The following SYCP2L variants were observed in gnomAD, a reference collection of about 807,000 sequenced individuals.
The protein encoded by SYCP2L is synaptonemal complex protein 2 like.
A neutral mutation model predicts 125.8 loss-of-function variants in SYCP2L; 98 were observed. That is an observed-to-expected ratio of 0.78 (90% CI 0.66 to 0.92). SYCP2L has a LOEUF of 0.92. Ranked by LOEUF, SYCP2L falls within the 40% of genes least tolerant of loss-of-function variation. The probability of loss-of-function intolerance (pLI) is 0.00; values close to 1 mark genes in which losing one functional copy is unlikely to be tolerated. For missense variants in SYCP2L, 842 were observed against 936.4 expected, an observed-to-expected ratio of 0.90 and a Z score of 1.32; for synonymous variants, 317 against 325.4, an observed-to-expected ratio of 0.97 and a Z score of 0.28.
intron 18 of SYCP2L, among the ~76,000 whole-genome samples, chr6:10,928,943 C>T (rs1310851843): frequency 6.8e-6 from 1 of 147,660 alleles, no homozygotes; most frequent in African/African-American, 2.5e-5. Flanking sequence ...GACTGAGTTT[C>T]GCTAATGGCA....
chr6:10,971,457 CAAAAAA>C (rs564161444), intron 29 of SYCP2L, among the ~76,000 whole-genome samples: 1 of 99,376 alleles, frequency 1.0e-5, no homozygotes. Context: ...GACTCTGTCT[CAAAAAA>C]AAAAAAAAAA....
chr6:10,898,805 TTTTC>T lies in SYCP2L; in HGVS notation c.442-11_442-8del, dbSNP rs1367538337. ...GTTTTAAAATAATATGAGCTTTACT[TTTTC>T]TTTCTTTTTGTTAGATTATTTCCAG... On this transcript the variant is annotated splice_polypyrimidine_tract_variant and intron_variant, in intron 5 of 29. Transcript: ENST00000283141. The T allele has an allele frequency of 1.5e-6, 2 of 1,358,966 alleles. No individual in the cohort carries two copies. The highest frequency in any genetic ancestry group is 2.1e-6 in the Non-Finnish European group (2 of 954,060). 84.2% of individuals were successfully genotyped at this position (1,358,966 alleles called of 1,614,324 possible).
intron 24 of SYCP2L, among the ~76,000 whole-genome samples, chr6:10,955,704 T>G (rs1781493483): frequency 6.6e-6 from 1 of 152,220 alleles, no homozygotes; most frequent in Admixed American, 6.5e-5. Flanking sequence ...GGTATGAGCA[T>G]GCAAGACTTA....
chr6:10,965,761 T>A (rs972259252), intron 29 of SYCP2L, among the ~76,000 whole-genome samples: 1 of 152,202 alleles, frequency 6.6e-6, no homozygotes, highest in African/African-American at 2.4e-5. Flanking sequence ...AATCTTGCAT[T>A]ACCATGTCAA....
rs1780520116 is a variant in SYCP2L at position 10,907,597 on chromosome 6, A to C, written c.732A>C (p.Lys244Asn). The C allele has an allele frequency of 3.1e-6, 5 of 1,614,022 alleles. No homozygotes were observed. The highest frequency in any genetic ancestry group is 1.3e-5 in the African/African-American group (1 of 75,040). ...CGCTGTGTAGACTGACGATTAAAAA[A>C]TCAAGGGATGAACTTGTCCATAAAT... ...SEALCRLTIK[K>N]SRDELVHKWF... The change falls in exon 10 of 30, where the codon AAA becomes AAC. Residue 244 changes from lysine to asparagine, a missense_variant. Physicochemically the swap from Lys to Asn is moderately conservative, Grantham distance 94. Coordinates refer to ENST00000283141, the MANE Select transcript of SYCP2L (RefSeq NM_001040274.3).
chr6:10,905,686 G>A (rs1358386361), intron 8 of SYCP2L, among the ~76,000 whole-genome samples: 2 of 152,152 alleles, frequency 1.3e-5, no homozygotes, highest in Non-Finnish European at 2.9e-5. Context: ...AAGGACATAC[G>A]CCCTCACAGG....
At chr6:10,908,121 C>T (rs1780535345) in intron 10 of SYCP2L, among the ~76,000 whole-genome samples, 1 of 151,946 alleles carries the variant, frequency 6.6e-6, no homozygotes, top group Admixed American at 6.6e-5. Context: ...CTCCTGACCT[C>T]AGGTGATCCG....
At chr6:10,946,880 G>A (rs566867047) in intron 23 of SYCP2L, among the ~76,000 whole-genome samples, 2 of 151,940 alleles carry the variant, frequency 1.3e-5, no homozygotes, top group Admixed American at 6.5e-5. Context: ...TGGAATATGT[G>A]ACATGTCTTT....
At chr6:10,917,572 T>A (rs1225754) in intron 14 of SYCP2L, among the ~76,000 whole-genome samples, 105,308 of 152,040 alleles carry the variant, frequency 0.69, 37,046 homozygotes, top group East Asian at 0.99. Flanking sequence ...AGACAGCAGA[T>A]GGTTGGTGAA....
chr6:10,936,460 G>A (rs1781096845), intron 21 of SYCP2L, among the ~76,000 whole-genome samples: 1 of 151,994 alleles, frequency 6.6e-6, no homozygotes, highest in Non-Finnish European at 1.5e-5. Flanking sequence ...ACTCCAGCCT[G>A]GGCGACAGAG....
At chr6:10,942,621 A>G in intron 22 of SYCP2L, 56 bp from the exon 23 acceptor site, 1 of 1,600,370 alleles carries the variant, frequency 6.2e-7, no homozygotes, top group African/African-American at 1.3e-5. Flanking sequence ...CGAGTACACC[A>G]CTTGTTTCTT....
chr6:10,947,923 C>T (rs1781344298), intron 23 of SYCP2L, among the ~76,000 whole-genome samples: 1 of 152,052 alleles, frequency 6.6e-6, no homozygotes, highest in Non-Finnish European at 1.5e-5. Context: ...CCTTTCTACT[C>T]ATAATTTGCT....
Position 10,952,305 on chromosome 6 carries a change from G to A in SYCP2L, c.1955-2811G>A, listed in dbSNP as rs1278536229. On this transcript the variant is annotated intron_variant, in intron 23 of 29. Transcript: ENST00000283141. Reference sequence around the variant, plus strand: ...CTTTGGTAAAGGTAAAGAACTTCACGAGCACTGCCACTTCGAAGAAGGTTT... The same window carrying A: ...CTTTGGTAAAGGTAAAGAACTTCACAAGCACTGCCACTTCGAAGAAGGTTT... Among the ~76,000 whole-genome samples, 5 of 152,230 alleles carry A rather than the reference G, an allele frequency of 3.3e-5. No individual in the cohort carries two copies. In the East Asian group the frequency reaches 5.8e-4, roughly 18 times the overall value.
chr6:10,887,241 G>C (rs1212655253), intron 1 of SYCP2L, 106 bp downstream of exon 1: 1 of 1,485,312 alleles, frequency 6.7e-7, no homozygotes, highest in African/African-American at 1.4e-5. Flanking sequence ...TGTTCGCTCA[G>C]AGACCGGGTG....
chr6:10,955,204 AAGAG>A lies in SYCP2L; in HGVS notation c.2046_2049del (p.Arg682SerfsTer11). ...GATCCCCTTTCTCAATAACAGAAGAAAGAGAGTTGCCAGGTAACATCATGCACCC... is the reference window on the plus strand; with the variant it reads ...GATCCCCTTTCTCAATAACAGAAGAAAGTTGCCAGGTAACATCATGCACCC... On this transcript the variant is annotated frameshift_variant, in exon 24 of 30. Transcript: ENST00000283141. LOFTEE classifies it high-confidence loss of function. 6.2e-7 allele frequency: 1 copy of A among 1,610,190 alleles called. No homozygotes were observed. Among genetic ancestry groups the A allele is most frequent in the Non-Finnish European group, 8.5e-7 (1 of 1,176,378 alleles).
In SYCP2L at chr6:10,912,422, A is replaced by G. The variant is rs1780626997; in HGVS notation, c.919-251A>G. 1.3e-5 allele frequency among the ~76,000 whole-genome samples: 2 copies of G among 152,200 alleles called. No individual in the cohort carries two copies. The highest frequency in any genetic ancestry group is 2.9e-5 in the Non-Finnish European group (2 of 68,022). On this transcript the variant is annotated intron_variant, in intron 12 of 29. Transcript: ENST00000283141. The surrounding 1 kb of genome is among the most constrained non-coding windows in gnomAD (Gnocchi z 4.1). ...AAAATTGTGTGGATAGAATAATGTG[A>G]CACATTTAAATATCTATCAAATATG...
intron 24 of SYCP2L, among the ~76,000 whole-genome samples, chr6:10,955,795 C>T (rs1171836207): frequency 6.6e-6 from 1 of 152,132 alleles, no homozygotes; most frequent in Non-Finnish European, 1.5e-5. Context: ...TTGCAAATCC[C>T]TCAGAACAGC....
chr6:10,888,112 T>A (rs1384171657), intron 1 of SYCP2L, among the ~76,000 whole-genome samples: 1 of 103,530 alleles, frequency 9.7e-6, no homozygotes, highest in East Asian at 3.2e-4. Context: ...TTTTTTTTTT[T>A]TTGAGACGGA....
At chr6:10,971,457 CAAAAAAAAAAAA>C (rs564161444) in intron 29 of SYCP2L, among the ~76,000 whole-genome samples, 5 of 99,376 alleles carry the variant, frequency 5.0e-5, no homozygotes, top group Non-Finnish European at 2.1e-5. Context: ...GACTCTGTCT[CAAAAAAAAAAAA>C]AAAAAAGAAA....
Sources: gnomAD v4.1 joint callset for allele counts (sites outside exome capture counted in the v4.1 genomes callset) on GRCh38, gnomAD v4.1.1 for gene constraint, Gnocchi (gnomAD v3.1) non-coding constraint, MANE v1.5 for transcripts, NCBI Gene and HGNC (gene_info 2026-07-23, HGNC 2026-07-21) for gene names.